Variants in IL36A observed in about 807,000 individuals in gnomAD.
IL36A encodes the protein interleukin 36 alpha, also known as interleukin-36 alpha.
A neutral mutation model predicts 12.7 loss-of-function variants in IL36A; 13 were observed. The ratio of observed to expected loss-of-function variants is 1.02; its 90% CI spans 0.67 to 1.63. The LOEUF (loss-of-function observed/expected upper bound fraction) is 1.63, where lower values mean the gene tolerates loss of function less well. IL36A is among the 40% of genes most tolerant of loss of function. IL36A has a pLI of 0.00. For missense variants in IL36A, 195 were observed against 192.9 expected (o/e 1.01, Z -0.07); for synonymous variants, 73 against 71.9 (o/e 1.01, Z -0.08).
chr2:113,008,830 A>G (rs1432104706), downstream of IL36A, among the ~76,000 whole-genome samples: 1 of 149,184 alleles, frequency 6.7e-6, no homozygotes, highest in African/African-American at 2.5e-5. Flanking sequence ...AAATTTTATT[A>G]TTATTATACT....
rs1312257135 is a variant in IL36A, at chr2:113,005,890, C to G, written c.10+9C>G. ...CACCACAATGGAAAAAGGTAAAGAT[C>G]CTCGTGGAAGGGCGAAAAATTGACA... On this transcript the variant is annotated intron_variant, in intron 1 of 3. Coordinates refer to ENST00000259211, the MANE Select transcript of IL36A (RefSeq NM_014440.3). The G allele has an allele frequency of 2.5e-6, 4 of 1,613,984 alleles. No individual in the cohort carries two copies. The highest frequency in any genetic ancestry group is 3.3e-5 in the Admixed American group (2 of 59,996).
chr2:113,007,098 CAT>C (rs1362845895), intron 3 of IL36A, among the ~76,000 whole-genome samples: 2 of 152,008 alleles, frequency 1.3e-5, no homozygotes, highest in African/African-American at 2.4e-5. Flanking sequence ...AATGAACAAA[CAT>C]AATTCTCTGT....
In IL36A at chr2:113,007,924, G is replaced by A; in HGVS notation, c.357G>A (p.Glu119=). 4 of 1,614,200 alleles carry A rather than the reference G, an allele frequency of 2.5e-6. No homozygotes were observed. The highest frequency in any genetic ancestry group is 3.4e-6 in the Non-Finnish European group (4 of 1,180,026). The stretch of plus-strand genomic sequence containing the variant: ...AGAGTGGCAGGAACTCCACCTTCGA[G>A]TCTGTGGCTTTCCCTGGCTGGTTCA... ...HSQSGRNSTF[E]SVAFPGWFIA... is the part of the protein sequence containing the mutation. The change falls in exon 4 of 4, where the codon GAG becomes GAA. Residue 119 remains glutamate, a synonymous_variant. Coordinates refer to ENST00000259211, the MANE Select transcript of IL36A (RefSeq NM_014440.3).
chr2:113,009,084 C>G (rs1323842642), downstream of IL36A, among the ~76,000 whole-genome samples: 1 of 147,178 alleles, frequency 6.8e-6, no homozygotes, highest in African/African-American at 2.5e-5. Flanking sequence ...GGTTTTTTGT[C>G]CTTGCGATAG....
downstream of IL36A, among the ~76,000 whole-genome samples, chr2:113,011,064 A>G (rs1684719154): frequency 6.6e-6 from 1 of 152,176 alleles, no homozygotes; most frequent in Admixed American, 6.5e-5. Flanking sequence ...CTTCTTTTTA[A>G]AGGCTGAATA....
At chr2:113,010,675 G>A (rs1400987382), downstream of IL36A, among the ~76,000 whole-genome samples, 1 of 152,078 alleles carries the variant, frequency 6.6e-6, no homozygotes, top group Non-Finnish European at 1.5e-5. Flanking sequence ...ATAAAACATT[G>A]CATTTTCTCT....
At chr2:113,008,413 T>C (rs1209334633), downstream of IL36A, 1 of 178,362 alleles carries the variant, frequency 5.6e-6, no homozygotes, top group African/African-American at 2.7e-5. Flanking sequence ...CAGGCTGGAG[T>C]GCAGTGGCGC....
In IL36A at chr2:113,007,960, C is replaced by T. The variant is rs779433054; in HGVS notation, c.393C>T (p.Ser131=). The change falls in exon 4 of 4, where the codon AGC becomes AGT. Residue 131 remains serine (S), a synonymous_variant. Transcript: ENST00000259211. Reference sequence around the variant, plus strand: ...TCCCTGGCTGGTTCATCGCTGTCAGCTCTGAAGGAGGCTGTCCTCTCATCC... The same window carrying T: ...TCCCTGGCTGGTTCATCGCTGTCAGTTCTGAAGGAGGCTGTCCTCTCATCC... ...VAFPGWFIAV[S]SEGGCPLILT... 8.7e-6 allele frequency: 14 copies of T among 1,614,230 alleles called. No individual in the cohort carries two copies. Among genetic ancestry groups the T allele is most frequent in the East Asian group, 4.5e-5 (2 of 44,888 alleles).
At position 113,005,792 on chromosome 2, in the gene IL36A, C is replaced by A; in HGVS notation, c.-80C>A. ...CCCAGGGTTAAACTGTGGCTTGGGACTGACTCAGGTCCTCTCTTGGGGTCG... is the reference window on the plus strand; with the variant it reads ...CCCAGGGTTAAACTGTGGCTTGGGAATGACTCAGGTCCTCTCTTGGGGTCG... On this transcript the variant is annotated 5_prime_UTR_variant, in exon 1 of 4. In the 5' UTR this introduces an upstream ATG that the reference lacks. Coordinates refer to ENST00000259211, the MANE Select transcript of IL36A (RefSeq NM_014440.3). 1 of 1,514,820 alleles carries A rather than the reference C, an allele frequency of 6.6e-7. No individual in the cohort carries two copies. The highest frequency in any genetic ancestry group is 9.2e-7 in the Non-Finnish European group (1 of 1,089,704). 93.8% of individuals were successfully genotyped at this position (1,514,820 alleles called of 1,614,324 possible). A position where few individuals can be genotyped will look rare whatever the true frequency, so the allele number is the denominator to read the frequency against.
At chr2:113,010,185 G>A (rs913413248), downstream of IL36A, among the ~76,000 whole-genome samples, 6 of 152,156 alleles carry the variant, frequency 3.9e-5, no homozygotes, top group Admixed American at 6.5e-5. Flanking sequence ...TGGAAATGCT[G>A]TTTTCCTGAG....
rs370196932 is a variant in IL36A, at chr2:113,006,112, G to A, written c.124+25G>A. On this transcript the variant is annotated intron_variant, in intron 2 of 3. Transcript: ENST00000259211. ...GGTGAGTAGCCACGGTCTGTGAAAG[G>A]CAGCTCCTTTGGCCAGTGCTGTTGT... The A allele has an allele frequency of 8.8e-4, 1,296 of 1,475,320 alleles. 2 individuals carry two copies. Among genetic ancestry groups the A allele is most frequent in the Non-Finnish European group, 1.1e-3 (1,165 of 1,054,022 alleles). 91.4% of individuals were successfully genotyped at this position (1,475,320 alleles called of 1,614,324 possible).
chr2:113,005,937 T>A (rs1558823985), intron 1 of IL36A, 37 bp from the exon 2 acceptor site: 11 of 1,612,012 alleles, frequency 6.8e-6, no homozygotes, highest in Non-Finnish European at 8.5e-6. Flanking sequence ...TTCTGTGCTC[T>A]CATTCTTACT....
chr2:113,009,389 A>G (rs1448578146), downstream of IL36A, among the ~76,000 whole-genome samples: 1 of 151,898 alleles, frequency 6.6e-6, no homozygotes, highest in Non-Finnish European at 1.5e-5. Flanking sequence ...TATTCACAAT[A>G]GCAAAGACTT....
In IL36A at chr2:113,007,971, G is replaced by C; in HGVS notation, c.404G>C (p.Gly135Ala). 6.2e-7 allele frequency: 1 copy of C among 1,614,184 alleles called. No homozygotes were observed. Among genetic ancestry groups the C allele is most frequent in the Non-Finnish European group, 8.5e-7 (1 of 1,180,038 alleles). Residue 135 changes from glycine to alanine, a missense_variant, in exon 4 of 4, where the codon GGC (glycine) becomes GCC (alanine). By Grantham distance (60) the Gly-to-Ala change is moderately conservative. Coordinates refer to ENST00000259211, the MANE Select transcript of IL36A (RefSeq NM_014440.3). The stretch of plus-strand genomic sequence containing the variant: ...TTCATCGCTGTCAGCTCTGAAGGAG[G>C]CTGTCCTCTCATCCTTACCCAAGAA... ...GWFIAVSSEG[G>A]CPLILTQELG...
chr2:113,007,247 A>G (rs538174546), intron 3 of IL36A, among the ~76,000 whole-genome samples: 1 of 152,338 alleles, frequency 6.6e-6, no homozygotes, highest in South Asian at 2.1e-4. Context: ...GACAAGATAT[A>G]AAACAGTGTT....
rs1684629640 is a variant in IL36A, at chr2:113,006,701, T to TGC, written c.229_230dup (p.Lys78LeufsTer11). The stretch of plus-strand genomic sequence containing the variant: ...ATGGACTCAATCTCTGCCTGATGTG[T>TGC]GCTAAAGTCGGGGACCAGCCCACAC... On this transcript the variant is annotated frameshift_variant, in exon 3 of 4. Coordinates refer to ENST00000259211, the MANE Select transcript of IL36A (RefSeq NM_014440.3). LOFTEE classifies it low-confidence loss of function (END_TRUNC). 6.2e-6 allele frequency: 10 copies of TGC among 1,614,164 alleles called. No homozygotes were observed. Among genetic ancestry groups the TGC allele is most frequent in the Non-Finnish European group, 7.6e-6 (9 of 1,180,020 alleles).
downstream of IL36A, among the ~76,000 whole-genome samples, chr2:113,009,051 A>G (rs1684690078): frequency 1.5e-5 from 2 of 133,470 alleles, no homozygotes; most frequent in South Asian, 4.7e-4. Flanking sequence ...ATTTCCACCT[A>G]TGAGTGAGAA....
rs1018402049 is a variant in IL36A at position 113,006,637 on chromosome 2, T to C, written c.164T>C (p.Leu55Pro). The change falls in exon 3 of 4, where the codon CTT becomes CCT. Residue 55 changes from leucine (L) to proline (P), a missense_variant. Transcript: ENST00000259211. ...ALISCRHVET[L>P]EKDRGNPIYL... is the part of the protein sequence containing the mutation. ...ATCTCATGCCGACATGTGGAGACCC[T>C]TGAGAAAGACAGAGGGAACCCCATC... is the stretch of plus-strand genomic sequence containing the variant. 1 of 1,614,074 alleles carries C rather than the reference T, an allele frequency of 6.2e-7. No individual in the cohort carries two copies. The highest frequency in any genetic ancestry group is 1.3e-5 in the African/African-American group (1 of 75,008).
chr2:113,006,405 T>G (rs1361782457), intron 2 of IL36A, among the ~76,000 whole-genome samples, 193 bp from the exon 3 acceptor site: 1 of 152,190 alleles, frequency 6.6e-6, no homozygotes, highest in South Asian at 2.1e-4. Flanking sequence ...TTTGAATCCA[T>G]GAAAGACTGA....
Sources: gnomAD v4.1 joint callset for allele counts (sites outside exome capture counted in the v4.1 genomes callset) on GRCh38, gnomAD v4.1.1 for gene constraint, MANE v1.5 for transcripts, NCBI Gene and HGNC (gene_info 2026-07-23, HGNC 2026-07-21) for gene names.